The following ZNF829 variants were observed in gnomAD, a reference collection of about 807,000 sequenced individuals.
ZNF829 encodes zinc finger protein 829.
In ZNF829, 25 loss-of-function variants were observed where a neutral mutation model predicts 35.2. That is an observed-to-expected ratio of 0.71 (90% confidence interval 0.52 to 0.99). ZNF829 has a LOEUF of 0.99. Ranked by LOEUF, ZNF829 falls within the 50% of genes least tolerant of loss-of-function variation. The probability of loss-of-function intolerance (pLI) is 0.00; values close to 1 mark genes in which losing one functional copy is unlikely to be tolerated. For synonymous variants in ZNF829, 136 were observed against 163.2 expected (o/e 0.83, Z 1.27); for missense variants, 417 against 515.3 (o/e 0.81, Z 1.85).
intron 5 of ZNF829, among the ~76,000 whole-genome samples, chr19:36,896,530 G>A (rs1013240982): frequency 6.6e-6 from 1 of 151,846 alleles, no homozygotes; most frequent in African/African-American, 2.4e-5. Context: ...ATAATAGTAC[G>A]GGATTTGAAC....
At chr19:36,910,232 C>T (rs1048910200) in intron 3 of ZNF829, among the ~76,000 whole-genome samples, 3 of 151,914 alleles carry the variant, frequency 2.0e-5, no homozygotes, top group Non-Finnish European at 2.9e-5. Context: ...TTACAGGCGC[C>T]GGTCACCACA....
chr19:36,890,155 TTTA>T lies in ZNF829; in HGVS notation c.*1334_*1336del, dbSNP rs2146220283. The T allele has an allele frequency of 6.6e-6, 1 of 152,328 alleles. No individual in the cohort carries two copies. Among genetic ancestry groups the T allele is most frequent in the Admixed American group, 6.5e-5 (1 of 15,304 alleles). 9.4% of individuals were successfully genotyped at this position (152,328 alleles called of 1,614,324 possible). ...TAGATATGATTTTGTTTTTTTAAAA[TTTA>T]TTGATACTTGCTTTGTGGTCCAGTA... On this transcript the variant is annotated 3_prime_UTR_variant, in exon 6 of 6. Coordinates refer to ENST00000391711, the MANE Select transcript of ZNF829 (RefSeq NM_001037232.4).
chr19:36,891,594 C>T lies in ZNF829; in HGVS notation c.1197G>A (p.Gln399=), dbSNP rs1441327575. 4 of 1,613,630 alleles carry T rather than the reference C, an allele frequency of 2.5e-6. No homozygotes were observed. In the African/African-American group the frequency reaches 4.0e-5, roughly 16 times the overall value. The change falls in exon 6 of 6, where the codon CAG becomes CAA. Residue 399 remains glutamine (Q), a synonymous_variant. Coordinates refer to ENST00000391711, the MANE Select transcript of ZNF829 (RefSeq NM_001037232.4). ...FNKGSNLTRH[Q]RIHTGEKPYD... is the part of the protein sequence containing the mutation. ...AGGGTTTCTCACCAGTGTGAATTCT[C>T]TGATGTCGAGTAAGATTTGAGCCTT...
intron 5 of ZNF829, among the ~76,000 whole-genome samples, chr19:36,900,166 A>G (rs2073152071): frequency 6.7e-6 from 1 of 149,502 alleles, no homozygotes; most frequent in Non-Finnish European, 1.5e-5. Flanking sequence ...ACACACACAC[A>G]CACACACACA....
chr19:36,915,183 T>G lies in ZNF829; in HGVS notation c.-16A>C. The G allele has an allele frequency of 1.2e-6, 2 of 1,614,034 alleles. No individual in the cohort carries two copies. The highest frequency in any genetic ancestry group is 1.7e-6 in the Non-Finnish European group (2 of 1,179,958). On this transcript the variant is annotated 5_prime_UTR_variant, in exon 2 of 6. Coordinates refer to ENST00000391711, the MANE Select transcript of ZNF829 (RefSeq NM_001037232.4). ...AATGGGGCATTCTGTCCAATTCCAGTGGCTCAGGGGAAAGGTTGTGTTCAC... is the reference window on the plus strand; with the variant it reads ...AATGGGGCATTCTGTCCAATTCCAGGGGCTCAGGGGAAAGGTTGTGTTCAC...
At chr19:36,899,906 A>AT (rs112933950) in intron 5 of ZNF829, among the ~76,000 whole-genome samples, 2,944 of 151,788 alleles carry the variant, frequency 0.019, 90 homozygotes, top group African/African-American at 0.051. Flanking sequence ...TCATATAAAA[A>AT]TTTTTTTTTA....
chr19:36,892,256 A>T lies in ZNF829; in HGVS notation c.535T>A (p.Phe179Ile). The T allele has an allele frequency of 6.2e-7, 1 of 1,613,960 alleles. No individual in the cohort carries two copies. The highest frequency in any genetic ancestry group is 8.5e-7 in the Non-Finnish European group (1 of 1,180,004). ...SQFIQHQRIH[F>I]GEKHYESKEY... ...TTAGATTCATAGTGTTTTTCACCAAAATGAATTCTCTGATGTTGGATAAAT... is the reference window on the plus strand; with the variant it reads ...TTAGATTCATAGTGTTTTTCACCAATATGAATTCTCTGATGTTGGATAAAT... The change falls in exon 6 of 6, where the codon TTT becomes ATT. Residue 179 changes from phenylalanine (F) to isoleucine (I), a missense_variant. Physicochemically the swap from Phe to Ile is conservative, Grantham distance 21. Transcript: ENST00000391711.
intron 5 of ZNF829, chr19:36,901,856 A>G: frequency 1.3e-6 from 1 of 749,820 alleles, no homozygotes; most frequent in Middle Eastern, 2.6e-4. Flanking sequence ...AGTGGGCTTC[A>G]AGAAGCGTGC....
intron 5 of ZNF829, among the ~76,000 whole-genome samples, chr19:36,894,719 G>C (rs2073095693): frequency 6.6e-6 from 1 of 152,054 alleles, no homozygotes; most frequent in African/African-American, 2.4e-5. Context: ...TTCTGAACTT[G>C]AGGACAGGGT....
intron 5 of ZNF829, among the ~76,000 whole-genome samples, chr19:36,898,193 T>C (rs1323822153): frequency 6.6e-6 from 1 of 152,014 alleles, no homozygotes; most frequent in Non-Finnish European, 1.5e-5. Flanking sequence ...AAAGGATTTC[T>C]ATACATCCAC....
At position 36,911,094 on chromosome 19, in the gene ZNF829, A is replaced by C. The variant is rs1170089190; in HGVS notation, c.97-2635T>G. On this transcript the variant is annotated intron_variant, in intron 3 of 5. Coordinates refer to ENST00000391711, the MANE Select transcript of ZNF829 (RefSeq NM_001037232.4). The stretch of plus-strand genomic sequence containing the variant: ...CTGAGTTCTATATGTTATTCTAATG[A>C]ATTATTGAACCTGAAGGAGAGTTAC... 2.6e-5 allele frequency among the ~76,000 whole-genome samples: 4 copies of C among 152,196 alleles called. No individual in the cohort carries two copies. In the East Asian group the frequency reaches 7.7e-4, roughly 29 times the overall value.
chr19:36,897,906 C>T (rs140696959), intron 5 of ZNF829, among the ~76,000 whole-genome samples: 6 of 152,336 alleles, frequency 3.9e-5, no homozygotes, highest in East Asian at 1.9e-4. Context: ...CGGTGGCTCA[C>T]GCCTATAATC....
At chr19:36,898,159 ACT>A (rs2073129724) in intron 5 of ZNF829, among the ~76,000 whole-genome samples, 2 of 151,976 alleles carry the variant, frequency 1.3e-5, no homozygotes, top group Admixed American at 6.6e-5. Context: ...ACAGAGCAAA[ACT>A]CTGTCTCAAA....
chr19:36,892,785 A>T (rs77468493), intron 5 of ZNF829: 17 of 347,200 alleles, frequency 4.9e-5, no homozygotes, highest in Admixed American at 3.1e-4. Flanking sequence ...GATTCTAATT[A>T]AAAAAAAAAA....
intron 5 of ZNF829, among the ~76,000 whole-genome samples, chr19:36,899,076 G>A (rs1487557097): frequency 6.6e-6 from 1 of 152,192 alleles, no homozygotes. Context: ...GAGACCTGTA[G>A]AATGGGAGAA....
At position 36,891,781 on chromosome 19, in the gene ZNF829, G is replaced by A; in HGVS notation, c.1010C>T (p.Ser337Leu). ...AATTCTGTGATGGTTAGTAAGTGTT[G>A]AGGCACTATTAAAGGCCTTCCCACA... ...KQCGKAFNSA[S>L]TLTNHHRIHA... is the part of the protein sequence containing the mutation. The change falls in exon 6 of 6, where the codon TCA becomes TTA. Residue 337 changes from serine to leucine, a missense_variant. Physicochemically the swap from Ser to Leu is moderately radical, Grantham distance 145 (BLOSUM62 -2). Coordinates refer to ENST00000391711, the MANE Select transcript of ZNF829 (RefSeq NM_001037232.4). 6.2e-7 allele frequency: 1 copy of A among 1,614,126 alleles called. No homozygotes were observed. Among genetic ancestry groups the A allele is most frequent in the Non-Finnish European group, 8.5e-7 (1 of 1,180,020 alleles).
chr19:36,901,708 A>G (rs73626749), intron 5 of ZNF829: 18,997 of 419,866 alleles, frequency 0.045, 617 homozygotes, highest in African/African-American at 0.11. Flanking sequence ...AGCCTTAAAA[A>G]ATAAACAAGT....
chr19:36,902,060 A>G (rs1206452689), intron 5 of ZNF829: 1 of 553,372 alleles, frequency 1.8e-6, no homozygotes, highest in South Asian at 2.1e-5. Flanking sequence ...TACTTTGGTT[A>G]TCTATGTATC....
intron 5 of ZNF829, among the ~76,000 whole-genome samples, chr19:36,895,156 G>T (rs2073100734): frequency 6.6e-6 from 1 of 152,104 alleles, no homozygotes; most frequent in Admixed American, 6.6e-5. Flanking sequence ...TGCCAGGAAA[G>T]AATGGGATGA....
Sources: allele counts gnomAD v4.1 joint callset (sites outside exome capture counted in the v4.1 genomes callset), GRCh38; gene constraint gnomAD v4.1.1; transcripts MANE v1.5; gene names NCBI Gene and HGNC (gene_info 2026-07-23, HGNC 2026-07-21).